SHANK2: variants seen among roughly 807,000 people sequenced by gnomAD.
The protein encoded by SHANK2 is SH3 and multiple ankyrin repeat domains protein 2.
SHANK2 carries 43 observed loss-of-function variants against 133.7 expected under a neutral mutation model. The observed-to-expected ratio is 0.32, with a 90% CI of 0.25 to 0.41. SHANK2 has a LOEUF of 0.41. Among genes scored for constraint, SHANK2 ranks in the 10% least tolerant of loss-of-function variants. SHANK2 has a pLI of 1.00. For synonymous variants in SHANK2, 1,017 were observed against 952.8 expected, an observed-to-expected ratio of 1.07 and a Z score of -1.24; for missense variants, 1,994 against 2,235.8, an observed-to-expected ratio of 0.89 and a Z score of 2.18.
chr11:71,231,155 C>G (rs530703648), intron 1 of SHANK2, among the ~76,000 whole-genome samples: 123 of 152,186 alleles, frequency 8.1e-4, no homozygotes, highest in African/African-American at 2.9e-3. Flanking sequence ...AAAATGTCTG[C>G]AAACCACATA....
At chr11:70,878,554 G>T (rs782770005) in intron 11 of SHANK2, among the ~76,000 whole-genome samples, 22 of 152,200 alleles carry the variant, frequency 1.4e-4, no homozygotes, top group Non-Finnish European at 2.8e-4. Flanking sequence ...TTTGGACCCT[G>T]CCTATTAAGC....
Position 70,880,240 on chromosome 11 carries a change from A to G in SHANK2, c.1174+16261T>C, listed in dbSNP as rs781972588. 9.9e-5 allele frequency among the ~76,000 whole-genome samples: 15 copies of G among 152,230 alleles called. No homozygotes were observed. In the South Asian group the frequency reaches 1.7e-3, roughly 17 times the overall value. On this transcript the variant is annotated intron_variant, in intron 11 of 25. Transcript: ENST00000601538. ...AAACAGCACATGCACCCTGATGTCT[A>G]TGAAGCCAGCCATAACTCTAAATGT...
At chr11:70,790,328 G>C (rs1290138688) in intron 14 of SHANK2, among the ~76,000 whole-genome samples, 2 of 152,214 alleles carry the variant, frequency 1.3e-5, no homozygotes, top group Non-Finnish European at 2.9e-5. Flanking sequence ...TCTCCACCCA[G>C]GGTGCATAAA....
In SHANK2 at chr11:70,661,062, C is replaced by T. The variant is rs150270316; in HGVS notation, c.1936+534G>A. Among the ~76,000 whole-genome samples the T allele has an allele frequency of 2.6e-4, 40 of 152,348 alleles. 1 individual carries two copies. In the Middle Eastern group the frequency reaches 0.017, roughly 65 times the overall value. ...ACGTGTGTGCTGCCGGCTCAGTCCA[C>T]GGCAGAGGGGACCATCTTGTCACAT... On this transcript the variant is annotated intron_variant, in intron 16 of 25. Coordinates refer to ENST00000601538, the MANE Select transcript of SHANK2 (RefSeq NM_012309.5).
At chr11:71,113,196 G>T (rs540460627) in intron 5 of SHANK2, 97 bp downstream of exon 5, 15 of 1,081,804 alleles carry the variant, frequency 1.4e-5, no homozygotes, top group Middle Eastern at 4.3e-4. Flanking sequence ...TACACAGCAG[G>T]TGCCCCTGGA....
In SHANK2 at chr11:70,884,127, G is replaced by A. The variant is rs1361055836; in HGVS notation, c.1174+12374C>T. ...CAGCCCATGCTTGGCTCAGGCCAGT[G>A]CACCAGGGCACACCCTGTGAATGCC... On this transcript the variant is annotated intron_variant, in intron 11 of 25. Coordinates refer to ENST00000601538, the MANE Select transcript of SHANK2 (RefSeq NM_012309.5). Among the ~76,000 whole-genome samples, 3 of 152,344 alleles carry A rather than the reference G, an allele frequency of 2.0e-5. No individual in the cohort carries two copies. In the East Asian group the frequency reaches 5.8e-4, roughly 29 times the overall value.
At chr11:71,206,999 T>C (rs898940446) in intron 2 of SHANK2, among the ~76,000 whole-genome samples, 3 of 151,878 alleles carry the variant, frequency 2.0e-5, no homozygotes, top group Middle Eastern at 3.2e-3. Flanking sequence ...GGAGTGAGGA[T>C]TGCTTGAGCC....
intron 10 of SHANK2, among the ~76,000 whole-genome samples, chr11:70,908,456 G>T (rs1950141374): frequency 6.6e-6 from 1 of 152,244 alleles, no homozygotes; most frequent in Non-Finnish European, 1.5e-5. Context: ...CTCCGCCTGT[G>T]CATGGGAGTG....
chr11:70,911,814 G>C (rs1555079067), intron 10 of SHANK2, among the ~76,000 whole-genome samples: 1 of 152,070 alleles, frequency 6.6e-6, no homozygotes, highest in African/African-American at 2.4e-5. Context: ...AGGCGTGGTG[G>C]CTCACACCTG....
At chr11:70,519,830 G>A (rs1383377810) in intron 17 of SHANK2, among the ~76,000 whole-genome samples, 3 of 151,814 alleles carry the variant, frequency 2.0e-5, no homozygotes, top group African/African-American at 4.8e-5. Flanking sequence ...TGATCTCCTG[G>A]GCTCGAGTGA....
intron 14 of SHANK2, among the ~76,000 whole-genome samples, chr11:70,701,219 C>A: frequency 6.6e-6 from 1 of 151,974 alleles, no homozygotes. Flanking sequence ...AGTAAAGGAA[C>A]CATTTCTAGG....
chr11:71,095,228 C>T (rs536434459), intron 6 of SHANK2, among the ~76,000 whole-genome samples: 14 of 152,324 alleles, frequency 9.2e-5, no homozygotes, highest in South Asian at 2.1e-4. Flanking sequence ...TTCATTAACG[C>T]GGCGCAGGAT....
At chr11:70,522,528 TTCC>T (rs1554971227) in intron 17 of SHANK2, among the ~76,000 whole-genome samples, 1 of 152,198 alleles carries the variant, frequency 6.6e-6, no homozygotes. Context: ...CCGATCTTAT[TTCC>T]TCCTTTGACT....
At chr11:71,202,527 T>C (rs1555117298) in intron 2 of SHANK2, among the ~76,000 whole-genome samples, 1 of 152,144 alleles carries the variant, frequency 6.6e-6, no homozygotes, top group Non-Finnish European at 1.5e-5. Flanking sequence ...CTCAACATCA[T>C]ACCCACATCT....
chr11:70,768,351 T>G (rs1349351133), intron 14 of SHANK2, among the ~76,000 whole-genome samples: 1 of 152,150 alleles, frequency 6.6e-6, no homozygotes, highest in Non-Finnish European at 1.5e-5. Flanking sequence ...ACCTGAGAGA[T>G]AGGCAAGAAT....
At chr11:70,706,443 C>G (rs1192191763) in intron 14 of SHANK2, among the ~76,000 whole-genome samples, 1 of 152,192 alleles carries the variant, frequency 6.6e-6, no homozygotes, top group African/African-American at 2.4e-5. Context: ...TGGATGATTA[C>G]AGCTCCAGCT....
At chr11:70,647,603 G>T (rs1471661852) in intron 17 of SHANK2, 1 of 152,220 alleles carries the variant, frequency 6.6e-6, no homozygotes, top group African/African-American at 2.4e-5. Context: ...TCTCAAAAAC[G>T]GTGCTGGCAC....
At chr11:70,910,644 C>T (rs1043405565) in intron 10 of SHANK2, among the ~76,000 whole-genome samples, 1 of 152,090 alleles carries the variant, frequency 6.6e-6, no homozygotes, top group Non-Finnish European at 1.5e-5. Flanking sequence ...CCTATCTCTA[C>T]TAAAAATACA....
chr11:70,516,732 AAAAG>A (rs1394973023), intron 17 of SHANK2, among the ~76,000 whole-genome samples: 1 of 152,232 alleles, frequency 6.6e-6, no homozygotes, highest in Non-Finnish European at 1.5e-5. Context: ...TTGAAATACA[AAAAG>A]AAAGAACTCT....
Sources: gnomAD v4.1 joint callset for allele counts (sites outside exome capture counted in the v4.1 genomes callset) on GRCh38, gnomAD v4.1.1 for gene constraint, MANE v1.5 for transcripts, NCBI Gene and HGNC (gene_info 2026-07-23, HGNC 2026-07-21) for gene names.